Variants in MTUS2 observed in about 807,000 individuals in gnomAD.
MTUS2 encodes the protein microtubule associated scaffold protein 2.
Under a neutral mutation model 114.1 loss-of-function variants are expected in MTUS2, and 40 were observed. That is an observed-to-expected ratio of 0.35 (90% CI 0.27 to 0.46). The LOEUF (loss-of-function observed/expected upper bound fraction) is 0.46, where lower values mean the gene tolerates loss of function less well. MTUS2 is among the 20% of genes least tolerant of loss of function. MTUS2 has a pLI of 1.00. For synonymous variants in MTUS2, 688 were observed against 672.0 expected (o/e 1.02, Z -0.37); for missense variants, 1,679 against 1,705.4 (o/e 0.98, Z 0.27).
At chr13:29,298,045 A>G (rs964766808) in intron 6 of MTUS2, among the ~76,000 whole-genome samples, 2 of 152,180 alleles carry the variant, frequency 1.3e-5, no homozygotes, top group African/African-American at 4.8e-5. Flanking sequence ...GCATTGATCC[A>G]TATAATTTTA....
intron 6 of MTUS2, among the ~76,000 whole-genome samples, chr13:29,319,183 T>C (rs1900147808): frequency 1.3e-5 from 2 of 152,230 alleles, no homozygotes; most frequent in African/African-American, 4.8e-5. Context: ...GGCATTGTAT[T>C]ATTCAGCTCT....
At chr13:29,104,874 T>A (rs937989249) in intron 5 of MTUS2, among the ~76,000 whole-genome samples, 2 of 152,200 alleles carry the variant, frequency 1.3e-5, no homozygotes, top group African/African-American at 4.8e-5. Context: ...TTTTATAATG[T>A]TCAGAGATGA....
intron 4 of MTUS2, among the ~76,000 whole-genome samples, chr13:29,044,266 A>T (rs1342213428): frequency 6.9e-6 from 1 of 145,060 alleles, no homozygotes; most frequent in African/African-American, 2.5e-5. Flanking sequence ...CTGTTTTAGT[A>T]ATTTCTAGCT....
At chr13:29,332,317 TTTC>T (rs138940033) in intron 7 of MTUS2, among the ~76,000 whole-genome samples, 11,428 of 152,158 alleles carry the variant, frequency 0.075, 1,357 homozygotes, top group African/African-American at 0.25. Flanking sequence ...AATTTATCCA[TTTC>T]TTCTAGATTT....
At chr13:28,861,691 G>T (rs1876995430) in intron 2 of MTUS2, among the ~76,000 whole-genome samples, 1 of 152,140 alleles carries the variant, frequency 6.6e-6, no homozygotes, top group Non-Finnish European at 1.5e-5. Flanking sequence ...CTGGCACATG[G>T]TAGGCACTTG....
intron 10 of MTUS2, chr13:29,483,840 C>G (rs960479980): frequency 1.3e-5 from 2 of 152,258 alleles, no homozygotes; most frequent in African/African-American, 2.4e-5. Flanking sequence ...TCAAAGCACG[C>G]AAAACAGACT....
intron 8 of MTUS2, among the ~76,000 whole-genome samples, chr13:29,405,063 G>A (rs1167525740): frequency 2.0e-5 from 3 of 152,184 alleles, no homozygotes; most frequent in Non-Finnish European, 4.4e-5. Context: ...GCTAAAGTAT[G>A]CCTAATCTTT....
chr13:29,086,879 T>G lies in MTUS2; in HGVS notation c.2447-13894T>G, dbSNP rs191365693. Among the ~76,000 whole-genome samples, 4 of 151,968 alleles carry G rather than the reference T, an allele frequency of 2.6e-5. No individual in the cohort carries two copies. In the East Asian group the frequency reaches 7.7e-4, roughly 29 times the overall value. On this transcript the variant is annotated intron_variant, in intron 4 of 15. Coordinates refer to ENST00000612955, the MANE Select transcript of MTUS2 (RefSeq NM_001033602.4). The stretch of plus-strand genomic sequence containing the variant: ...CTAGGTATTTTATTCTTTTTGTGGC[T>G]ATCATGTTCTTGATTTGGTTCTTAG...
chr13:29,238,842 A>G (rs1896630513), intron 5 of MTUS2, among the ~76,000 whole-genome samples: 2 of 152,216 alleles, frequency 1.3e-5, no homozygotes, highest in Admixed American at 6.5e-5. Context: ...CTATAGGTAA[A>G]ATAAGCCAGA....
intron 6 of MTUS2, chr13:29,307,009 C>A: frequency 1.9e-6 from 1 of 536,216 alleles, no homozygotes; most frequent in Non-Finnish European, 3.6e-6. Flanking sequence ...CACCATCTTC[C>A]AGGAGCGAGA....
chr13:29,080,055 A>T (rs1889373046), intron 4 of MTUS2, among the ~76,000 whole-genome samples: 1 of 152,204 alleles, frequency 6.6e-6, no homozygotes, highest in Admixed American at 6.5e-5. Flanking sequence ...TTATTTATGT[A>T]TTCTTAAATT....
chr13:29,127,949 A>G (rs1278350799), intron 5 of MTUS2, among the ~76,000 whole-genome samples: 1 of 152,234 alleles, frequency 6.6e-6, no homozygotes, highest in Non-Finnish European at 1.5e-5. Flanking sequence ...CCTGAAAAGA[A>G]CCTATCCCTG....
intron 2 of MTUS2, among the ~76,000 whole-genome samples, chr13:28,997,772 G>A (rs1285528097): frequency 6.6e-6 from 1 of 151,812 alleles, no homozygotes; most frequent in African/African-American, 2.4e-5. Context: ...TTTATTTTGA[G>A]CCTATGTGTG....
intron 9 of MTUS2, among the ~76,000 whole-genome samples, chr13:29,457,062 G>A (rs896281906): frequency 2.0e-5 from 3 of 151,280 alleles, no homozygotes; most frequent in African/African-American, 2.4e-5. Flanking sequence ...GGAGAATGGC[G>A]TGAACCCAGG....
chr13:29,243,441 G>A (rs534597998), intron 5 of MTUS2, among the ~76,000 whole-genome samples: 4 of 152,194 alleles, frequency 2.6e-5, no homozygotes, highest in South Asian at 4.1e-4. Flanking sequence ...CTCAATGTGC[G>A]AATGTGGAGG....
chr13:29,381,965 G>A (rs1054406728), intron 8 of MTUS2, among the ~76,000 whole-genome samples: 5 of 152,232 alleles, frequency 3.3e-5, no homozygotes, highest in South Asian at 2.1e-4. Context: ...TAATCATTGC[G>A]TGTCTCCTGG....
At chr13:29,382,347 C>T (rs1372978242) in intron 8 of MTUS2, among the ~76,000 whole-genome samples, 10 of 152,078 alleles carry the variant, frequency 6.6e-5, no homozygotes, top group Non-Finnish European at 1.5e-4. Flanking sequence ...GCAGACCATG[C>T]AGTAGTCCAC....
intron 1 of MTUS2, among the ~76,000 whole-genome samples, chr13:28,828,486 T>TA (rs1234509875): frequency 1.3e-5 from 2 of 152,180 alleles, no homozygotes; most frequent in African/African-American, 4.8e-5. Context: ...GGCCATGAAA[T>TA]CTTCACAATT....
chr13:29,377,453 A>G (rs931193251), intron 8 of MTUS2, among the ~76,000 whole-genome samples: 2 of 152,168 alleles, frequency 1.3e-5, no homozygotes, highest in Non-Finnish European at 2.9e-5. Context: ...TGAGTTAAAC[A>G]CAAACCAATA....
Sources: allele counts gnomAD v4.1 joint callset (sites outside exome capture counted in the v4.1 genomes callset), GRCh38; gene constraint gnomAD v4.1.1; transcripts MANE v1.5; gene names NCBI Gene and HGNC (gene_info 2026-07-23, HGNC 2026-07-21).